MYH10: variants seen among roughly 807,000 people sequenced by gnomAD.
MYH10 encodes the protein myosin heavy chain 10, also known as myosin-10.
In MYH10, 55 loss-of-function variants were observed where a neutral mutation model predicts 257.8. The ratio of observed to expected loss-of-function variants is 0.21; its 90% CI spans 0.17 to 0.27. MYH10 has a LOEUF of 0.27. Ranked by LOEUF, MYH10 falls within the 10% of genes least tolerant of loss-of-function variation. The pLI, the probability that MYH10 is intolerant of heterozygous loss-of-function variation, is 1.00. For missense variants in MYH10, 1,631 were observed against 2,500.6 expected (o/e 0.65, Z 7.42); for synonymous variants, 854 against 921.7 (o/e 0.93, Z 1.33).
chr17:8,491,360 C>A (rs1159266934), intron 34 of MYH10, among the ~76,000 whole-genome samples: 2 of 152,232 alleles, frequency 1.3e-5, no homozygotes, highest in Non-Finnish European at 2.9e-5. Context: ...TCTCTCTCCA[C>A]ATTTCACTGT....
rs573899177 is a variant in MYH10 at position 8,516,459 on chromosome 17, G to A, written c.2504+2172C>T. ...ATGCATAGTGTGAATAAAATATTGA[G>A]GGGCAGGGGCTGCAAAGGCAAAGGC... On this transcript the variant is annotated intron_variant, in intron 21 of 42. Coordinates refer to ENST00000360416, the MANE Select transcript of MYH10 (RefSeq NM_001256012.3). 4.6e-5 allele frequency among the ~76,000 whole-genome samples: 7 copies of A among 152,270 alleles called. No homozygotes were observed. In the South Asian group the frequency reaches 1.2e-3, roughly 27 times the overall value.
chr17:8,515,361 TTACC>T (rs1280963051), intron 21 of MYH10, among the ~76,000 whole-genome samples: 2 of 152,004 alleles, frequency 1.3e-5, no homozygotes, highest in Middle Eastern at 3.2e-3. Flanking sequence ...AGAGCAAAAA[TTACC>T]TACCTGTCAC....
chr17:8,479,316 G>A (rs576173268), intron 40 of MYH10, among the ~76,000 whole-genome samples: 11 of 152,100 alleles, frequency 7.2e-5, no homozygotes, highest in East Asian at 5.8e-4. Flanking sequence ...CATCTACGTC[G>A]TCCCATATGA....
chr17:8,484,649 T>G (rs1914458461), intron 36 of MYH10, among the ~76,000 whole-genome samples: 1 of 152,160 alleles, frequency 6.6e-6, no homozygotes, highest in Admixed American at 6.5e-5. Context: ...CCAAGCAGGA[T>G]CTATCTGAGG....
chr17:8,584,311 T>G (rs946980551), intron 4 of MYH10, among the ~76,000 whole-genome samples: 1 of 152,096 alleles, frequency 6.6e-6, no homozygotes, highest in African/African-American at 2.4e-5. Flanking sequence ...ACAGAATAAA[T>G]GACTGAAAAA....
chr17:8,537,133 T>C (rs1011836099), intron 14 of MYH10, among the ~76,000 whole-genome samples: 37 of 152,182 alleles, frequency 2.4e-4, no homozygotes, highest in African/African-American at 7.5e-4. Context: ...ATTTAAATAG[T>C]GATGGTCTAT....
intron 2 of MYH10, among the ~76,000 whole-genome samples, chr17:8,621,887 C>T (rs114403418): frequency 4.7e-4 from 71 of 152,322 alleles, no homozygotes; most frequent in African/African-American, 1.6e-3. Flanking sequence ...TCTCCATAGC[C>T]TTGTTTCATT....
At chr17:8,604,244 T>G (rs1179651897) in intron 3 of MYH10, among the ~76,000 whole-genome samples, 1 of 152,180 alleles carries the variant, frequency 6.6e-6, no homozygotes, top group Non-Finnish European at 1.5e-5. Context: ...GCAATAATAT[T>G]AATTGCATTC....
In MYH10 at chr17:8,497,021, G is replaced by A. The variant is rs190088226; in HGVS notation, c.3952-1780C>T. On this transcript the variant is annotated intron_variant, in intron 30 of 42. Transcript: ENST00000360416. ...GAAAACATTTCACGCATGCTGTCAG[G>A]ACTCACTGCTGGAGGAATTAAGCAC... 7.9e-5 allele frequency among the ~76,000 whole-genome samples: 12 copies of A among 152,308 alleles called. No homozygotes were observed. The East Asian group carries it at 1.5e-3, about 20-fold the overall frequency.
chr17:8,619,528 A>G (rs2085387951), intron 2 of MYH10, among the ~76,000 whole-genome samples: 1 of 152,204 alleles, frequency 6.6e-6, no homozygotes, highest in Admixed American at 6.5e-5. Context: ...CATCAACGTA[A>G]AACAGTAAGA....
At chr17:8,590,821 C>T (rs756459364) in intron 3 of MYH10, among the ~76,000 whole-genome samples, 1 of 151,394 alleles carries the variant, frequency 6.6e-6, no homozygotes, top group African/African-American at 2.4e-5. Context: ...CCAGCTTCAC[C>T]TCCTCTAGGA....
intron 30 of MYH10, among the ~76,000 whole-genome samples, chr17:8,496,062 T>G (rs916286115): frequency 2.6e-5 from 4 of 152,248 alleles, no homozygotes; most frequent in Non-Finnish European, 4.4e-5. Context: ...CATGAATATT[T>G]AAGCTATTTC....
Position 8,545,349 on chromosome 17 carries a change from C to A in MYH10, c.1431+99G>T. ...CTACTAGAATGGCAGGGACTGTATC[C>A]CTGGTGCCTCGTATGTACTGGGCAC... On this transcript the variant is annotated intron_variant, in intron 13 of 42. Coordinates refer to ENST00000360416, the MANE Select transcript of MYH10 (RefSeq NM_001256012.3). This position sits in a 1 kb window ranked among gnomAD's most constrained non-coding sequence, Gnocchi z 4.7. The A allele has an allele frequency of 7.5e-7, 1 of 1,330,874 alleles. No homozygotes were observed. Among genetic ancestry groups the A allele is most frequent in the African/African-American group, 1.5e-5 (1 of 66,950 alleles). 82.4% of individuals were successfully genotyped at this position (1,330,874 alleles called of 1,614,324 possible). A position where few individuals can be genotyped will look rare whatever the true frequency, so the allele number is the denominator to read the frequency against.
At chr17:8,508,525 C>A (rs768167541) in intron 26 of MYH10, 29 bp downstream of exon 26, 1 of 1,613,680 alleles carries the variant, frequency 6.2e-7, no homozygotes, top group South Asian at 1.1e-5. Context: ...ATGTCCTAGT[C>A]CCTGATTTCT....
intron 16 of MYH10, among the ~76,000 whole-genome samples, chr17:8,531,984 CTG>C (rs781187430): frequency 8.5e-5 from 13 of 152,192 alleles, no homozygotes; most frequent in Non-Finnish European, 1.3e-4. Flanking sequence ...ATGAAACAAA[CTG>C]TCCTCAAAAT....
chr17:8,595,062 A>C (rs1298513438), intron 3 of MYH10, among the ~76,000 whole-genome samples: 1 of 152,230 alleles, frequency 6.6e-6, no homozygotes, highest in Non-Finnish European at 1.5e-5. Flanking sequence ...GAATATGCAT[A>C]TAATGGACTA....
chr17:8,619,089 T>TC (rs1269356988), intron 2 of MYH10, among the ~76,000 whole-genome samples: 1 of 152,318 alleles, frequency 6.6e-6, no homozygotes, highest in East Asian at 1.9e-4. Flanking sequence ...CACATGCTCG[T>TC]CCTCAAGGCA....
intron 14 of MYH10, among the ~76,000 whole-genome samples, chr17:8,537,893 C>G (rs2082184832): frequency 3.3e-5 from 5 of 152,128 alleles, no homozygotes; most frequent in Admixed American, 3.3e-4. Flanking sequence ...AGCTTAGAAG[C>G]CTGTGTTTCT....
At chr17:8,625,142 T>C (rs1233390264) in intron 1 of MYH10, among the ~76,000 whole-genome samples, 5 of 151,996 alleles carry the variant, frequency 3.3e-5, no homozygotes, top group Middle Eastern at 3.2e-3. Context: ...TCCCAGCCAC[T>C]CAGGAGGCTG....
Sources: gnomAD v4.1 joint callset for allele counts (sites outside exome capture counted in the v4.1 genomes callset) on GRCh38, gnomAD v4.1.1 for gene constraint, Gnocchi (gnomAD v3.1) non-coding constraint, MANE v1.5 for transcripts, NCBI Gene and HGNC (gene_info 2026-07-23, HGNC 2026-07-21) for gene names.